PCDHGA6: variants seen among roughly 807,000 people sequenced by gnomAD.
PCDHGA6 encodes protocadherin gamma-A6.
A neutral mutation model predicts 60.6 loss-of-function variants in PCDHGA6; 41 were observed. That is an observed-to-expected ratio of 0.68 (90% confidence interval 0.53 to 0.88). The LOEUF (loss-of-function observed/expected upper bound fraction) is 0.88, where lower values mean the gene tolerates loss of function less well. Among genes scored for constraint, PCDHGA6 ranks in the 40% least tolerant of loss-of-function variants. The pLI is 0.00. For missense variants in PCDHGA6, 1,312 were observed against 1,203.0 expected (o/e 1.09, Z -1.34); for synonymous variants, 594 against 524.4 (o/e 1.13, Z -1.81).
At chr5:141,384,558 G>C (rs1305876368) in intron 1 of PCDHGA6, 2 of 1,614,132 alleles carry the variant, frequency 1.2e-6, no homozygotes, top group African/African-American at 1.3e-5. Context: ...TGTTCGTGCT[G>C]GACCAGAATG....
intron 1 of PCDHGA6, among the ~76,000 whole-genome samples, chr5:141,470,997 A>G (rs905897657): frequency 3.8e-4 from 57 of 150,462 alleles, no homozygotes; most frequent in African/African-American, 1.3e-3. Flanking sequence ...GACTACAGGC[A>G]TGAGCCACTG....
intron 1 of PCDHGA6, chr5:141,407,948 G>T (rs978962452): frequency 7.0e-6 from 4 of 572,054 alleles, no homozygotes; most frequent in Non-Finnish European, 1.1e-5. Flanking sequence ...GCCGCTGTCG[G>T]CCAGTGCAGA....
At chr5:141,450,190 G>A (rs1368992094) in intron 1 of PCDHGA6, among the ~76,000 whole-genome samples, 1 of 151,588 alleles carries the variant, frequency 6.6e-6, no homozygotes, top group African/African-American at 2.4e-5. Flanking sequence ...GCTAATTTTT[G>A]TATTTTTAGT....
At chr5:141,403,945 A>C in intron 1 of PCDHGA6, 3 of 1,613,926 alleles carry the variant, frequency 1.9e-6, no homozygotes, top group Non-Finnish European at 2.5e-6. Flanking sequence ...AAGGGTGGAC[A>C]AAAGTGCTCA....
rs1405589878 is a variant in PCDHGA6 at position 141,504,323 on chromosome 5, T to A, written c.2484-1070T>A. On this transcript the variant is annotated intron_variant, in intron 2 of 3. Transcript: ENST00000517434. ...CACTCGGAGTTTCTAAAAGTCTCAC[T>A]TAGGTCCAAGTGCTAGGCTTTGTGC... Among the ~76,000 whole-genome samples, 4 of 152,114 alleles carry A rather than the reference T, an allele frequency of 2.6e-5. No individual in the cohort carries two copies. In the East Asian group the frequency reaches 7.7e-4, roughly 29 times the overall value.
intron 1 of PCDHGA6, chr5:141,383,722 G>C (rs752091789): frequency 1.2e-6 from 2 of 1,613,934 alleles, no homozygotes; most frequent in East Asian, 4.5e-5. Flanking sequence ...GGGAGTCAAT[G>C]GGGAAGTGAC....
At chr5:141,441,173 C>G (rs2098230611) in intron 1 of PCDHGA6, 1 of 152,180 alleles carries the variant, frequency 6.6e-6, no homozygotes, top group South Asian at 2.1e-4. Context: ...ATTTTTACTT[C>G]TAATTCCACA....
At chr5:141,483,937 C>T (rs964918788) in intron 1 of PCDHGA6, among the ~76,000 whole-genome samples, 1 of 130,444 alleles carries the variant, frequency 7.7e-6, no homozygotes, top group African/African-American at 2.9e-5. Flanking sequence ...TAGGTACCTA[C>T]GGTGTGAATT....
chr5:141,384,386 T>A (rs1208791457), intron 1 of PCDHGA6: 1 of 1,613,954 alleles, frequency 6.2e-7, no homozygotes, highest in South Asian at 1.1e-5. Flanking sequence ...GAAGACACCA[T>A]CCAGGGGGCT....
At chr5:141,430,425 A>G (rs1298131518) in intron 1 of PCDHGA6, among the ~76,000 whole-genome samples, 3 of 152,076 alleles carry the variant, frequency 2.0e-5, no homozygotes, top group Non-Finnish European at 4.4e-5. Context: ...TAAAGCGAAT[A>G]CGGTAGATTT....
At chr5:141,472,412 G>C (rs1283620276) in intron 1 of PCDHGA6, among the ~76,000 whole-genome samples, 1 of 152,058 alleles carries the variant, frequency 6.6e-6, no homozygotes, top group Non-Finnish European at 1.5e-5. Context: ...GTGGTGGCAC[G>C]CACCTGTATC....
At chr5:141,452,490 C>A (rs2098742307) in intron 1 of PCDHGA6, among the ~76,000 whole-genome samples, 1 of 152,188 alleles carries the variant, frequency 6.6e-6, no homozygotes, top group East Asian at 1.9e-4. Flanking sequence ...TAAACACACC[C>A]ATATTTATAT....
intron 1 of PCDHGA6, chr5:141,427,535 C>T (rs746067304): frequency 8.0e-6 from 5 of 626,498 alleles, no homozygotes; most frequent in South Asian, 7.6e-5. Flanking sequence ...CGGAGTACAA[C>T]GTCACCATCA....
intron 1 of PCDHGA6, chr5:141,384,835 G>T: frequency 1.2e-6 from 2 of 1,613,468 alleles, no homozygotes; most frequent in Middle Eastern, 1.7e-4. Flanking sequence ...CGTGGTGGCC[G>T]TCCAGGACCA....
chr5:141,461,648 A>G (rs910827619), intron 1 of PCDHGA6, among the ~76,000 whole-genome samples: 2 of 152,070 alleles, frequency 1.3e-5, no homozygotes, highest in South Asian at 2.1e-4. Context: ...TCTTTGACCC[A>G]TGGATTATTT....
Position 141,407,988 on chromosome 5 carries a change from C to T in PCDHGA6, c.2424+31481C>T, listed in dbSNP as rs923527525. 1.3e-4 allele frequency: 104 copies of T among 827,076 alleles called. 1 individual carries two copies. The highest frequency in any genetic ancestry group is 3.7e-4 in the Middle Eastern group (1 of 2,684). 51.2% of individuals were successfully genotyped at this position (827,076 alleles called of 1,614,324 possible). ...GCGCTGACGCCGGGGATCCGTCAGC[C>T]TCTGGCCTGGGATTCCCTGCGCAGC... On this transcript the variant is annotated intron_variant, in intron 1 of 3. Transcript: ENST00000517434.
Position 141,431,962 on chromosome 5 carries a change from C to G in PCDHGA6, c.2424+55455C>G. 1.2e-6 allele frequency: 2 copies of G among 1,614,190 alleles called. No homozygotes were observed. Among genetic ancestry groups the G allele is most frequent in the South Asian group, 2.2e-5 (2 of 91,086 alleles). ...AATTAGAAAAATCTTACGGAAATTACTATAGTTTAGTCACAGACATAGTCT... is the reference window on the plus strand; with the variant it reads ...AATTAGAAAAATCTTACGGAAATTAGTATAGTTTAGTCACAGACATAGTCT... On this transcript the variant is annotated intron_variant, in intron 1 of 3. Transcript: ENST00000517434. The surrounding 1 kb of genome is among the most constrained non-coding windows in gnomAD (Gnocchi z 4.8).
At chr5:141,445,782 G>A (rs530081823) in intron 1 of PCDHGA6, among the ~76,000 whole-genome samples, 1 of 152,310 alleles carries the variant, frequency 6.6e-6, no homozygotes, top group East Asian at 1.9e-4. Flanking sequence ...AAGGGCTAGG[G>A]AGGCTAGAAA....
intron 1 of PCDHGA6, chr5:141,379,506 A>T (rs774188975): frequency 9.2e-5 from 14 of 152,280 alleles, no homozygotes; most frequent in Non-Finnish European, 1.8e-4. Context: ...TGGGATGTTA[A>T]ACTACATCTT....
Sources: gnomAD v4.1 joint callset for allele counts (sites outside exome capture counted in the v4.1 genomes callset) on GRCh38, gnomAD v4.1.1 for gene constraint, Gnocchi (gnomAD v3.1) non-coding constraint, MANE v1.5 for transcripts, NCBI Gene and HGNC (gene_info 2026-07-23, HGNC 2026-07-21) for gene names.